Variants in CCDC57 observed in about 807,000 individuals in gnomAD.
CCDC57 encodes coiled-coil domain containing 57.
In CCDC57, 118 loss-of-function variants were observed where a neutral mutation model predicts 118.9. The ratio of observed to expected loss-of-function variants is 0.99; its 90% confidence interval spans 0.86 to 1.16. The LOEUF is 1.16. Ranked by LOEUF, CCDC57 falls within the 50% of genes most tolerant of loss-of-function variation. The pLI is 0.00. For synonymous variants in CCDC57, 527 were observed against 532.9 expected, an observed-to-expected ratio of 0.99 and a Z score of 0.15; for missense variants, 1,300 against 1,320.7, an observed-to-expected ratio of 0.98 and a Z score of 0.24.
intron 11 of CCDC57, among the ~76,000 whole-genome samples, chr17:82,174,784 T>C (rs1389456638): frequency 6.6e-6 from 1 of 152,250 alleles, no homozygotes; most frequent in Non-Finnish European, 1.5e-5. Context: ...TCTGTAACCA[T>C]TTGCTTCTTT....
chr17:82,173,176 A>G (rs1354593454), intron 11 of CCDC57, among the ~76,000 whole-genome samples: 3 of 152,166 alleles, frequency 2.0e-5, no homozygotes, highest in Non-Finnish European at 4.4e-5. Flanking sequence ...ACAGAGCTTC[A>G]GTATGGAAAG....
At chr17:82,175,837 T>G (rs1256279900) in intron 11 of CCDC57, among the ~76,000 whole-genome samples, 4 of 152,232 alleles carry the variant, frequency 2.6e-5, no homozygotes, top group African/African-American at 9.6e-5. Flanking sequence ...AGGGAGATTC[T>G]GAGTGGAGAT....
chr17:82,150,895 ACACCCAGAACCTGACCCG>A (rs1598943480), intron 16 of CCDC57, among the ~76,000 whole-genome samples: 2 of 77,584 alleles, frequency 2.6e-5, no homozygotes, highest in Admixed American at 1.8e-4. Context: ...AACCTGACCC[ACACCCAGAACCTGACCCG>A]CACCCAGAAC....
intron 13 of CCDC57, among the ~76,000 whole-genome samples, chr17:82,168,951 AC>A (rs765294289): frequency 6.6e-6 from 1 of 152,152 alleles, no homozygotes; most frequent in Non-Finnish European, 1.5e-5. Flanking sequence ...ACCACAAAAA[AC>A]CTTCAGCAAA....
chr17:82,200,407 C>T (rs773634667), intron 3 of CCDC57, among the ~76,000 whole-genome samples: 14 of 152,194 alleles, frequency 9.2e-5, no homozygotes, highest in Non-Finnish European at 1.8e-4. Context: ...TTTCACTTCG[C>T]CATTCCACCA....
intron 17 of CCDC57, among the ~76,000 whole-genome samples, chr17:82,128,925 T>G (rs941468960): frequency 3.3e-5 from 5 of 151,788 alleles, no homozygotes; most frequent in Non-Finnish European, 5.9e-5. Context: ...CTTTTTTGTT[T>G]TTTTTTTTTT....
At chr17:82,184,031 G>GCGCGCGCGCGCGCGCACACA in intron 8 of CCDC57, 99 bp from the exon 8 acceptor site, 4 of 131,858 alleles carry the variant, frequency 3.0e-5, no homozygotes, top group East Asian at 1.9e-4. Context: ...GCGCGCGCGC[G>GCGCGCGCGCGCGCGCACACA]CACACACACA....
At chr17:82,181,204 C>T (rs932456921) in intron 9 of CCDC57, among the ~76,000 whole-genome samples, 2 of 152,358 alleles carry the variant, frequency 1.3e-5, no homozygotes, top group Admixed American at 1.3e-4. Context: ...CATGCAAATA[C>T]ACAGGAGAAG....
At chr17:82,134,726 A>C (rs2038912294) in intron 16 of CCDC57, among the ~76,000 whole-genome samples, 1 of 152,136 alleles carries the variant, frequency 6.6e-6, no homozygotes, top group South Asian at 2.1e-4. Flanking sequence ...CCCGGGAGGC[A>C]GAGGTTGCAG....
At chr17:82,105,581 C>T (rs1008803696) in intron 19 of CCDC57, among the ~76,000 whole-genome samples, 22 of 152,262 alleles carry the variant, frequency 1.4e-4, no homozygotes, top group Admixed American at 9.8e-4. Context: ...TCAACCCTCA[C>T]CTGCTAAAGT....
intron 18 of CCDC57, 120 bp downstream of exon 17, chr17:82,128,373 G>A (rs796435308): frequency 2.2e-5 from 15 of 674,648 alleles, no homozygotes; most frequent in African/African-American, 1.5e-4. Context: ...CCCTGATGAC[G>A]GCACAAAGGC....
At chr17:82,101,731 T>A in exon 20 of CCDC57, 1 of 1,608,592 alleles carries the variant, frequency 6.2e-7, no homozygotes, top group Middle Eastern at 1.7e-4. Context: ...CTGGCAGCCT[T>A]TAGCTTTTGC....
At chr17:82,155,319 C>T (rs960799448) in intron 15 of CCDC57, 3 of 152,244 alleles carry the variant, frequency 2.0e-5, no homozygotes, top group African/African-American at 7.2e-5. Flanking sequence ...CTGGCACTCT[C>T]GCGTGGAAGA....
intron 8 of CCDC57, among the ~76,000 whole-genome samples, chr17:82,187,525 G>A (rs1336100255): frequency 1.1e-5 from 1 of 89,294 alleles, no homozygotes; most frequent in African/African-American, 4.8e-5. Context: ...AGGTGGCCGG[G>A]GCTGGTGGGG....
chr17:82,151,037 G>A (rs80218576), intron 16 of CCDC57, among the ~76,000 whole-genome samples: 426 of 34,800 alleles, frequency 0.012, 8 homozygotes, highest in Middle Eastern at 0.062. Context: ...AGAACCTGGC[G>A]CACACCCAGA....
intron 18 of CCDC57, 60 bp downstream of exon 17, chr17:82,128,433 C>T (rs551539851): frequency 8.0e-6 from 10 of 1,253,948 alleles, no homozygotes; most frequent in South Asian, 3.9e-5. Flanking sequence ...ACCCAGGCCC[C>T]GGCTTCCCTG....
At chr17:82,184,810 A>C (rs1047401317) in intron 8 of CCDC57, 4 of 152,254 alleles carry the variant, frequency 2.6e-5, no homozygotes, top group African/African-American at 9.6e-5. Context: ...CCCTGCCAAC[A>C]GTTTTGGACA....
At chr17:82,198,196 C>T (rs2048534412) in intron 4 of CCDC57, 118 bp downstream of exon 3, 4 of 621,862 alleles carry the variant, frequency 6.4e-6, no homozygotes, top group Admixed American at 3.1e-5. Context: ...ATTTTACTCC[C>T]AAGGAGAATG....
chr17:82,109,310 C>T (rs543592367), intron 19 of CCDC57, among the ~76,000 whole-genome samples: 5 of 152,342 alleles, frequency 3.3e-5, no homozygotes, highest in East Asian at 3.9e-4. Context: ...GCCTACGAGG[C>T]GGCTGCGAGG....
Sources: gnomAD v4.1 joint callset for allele counts (sites outside exome capture counted in the v4.1 genomes callset) on GRCh38, gnomAD v4.1.1 for gene constraint, MANE v1.5 for transcripts, NCBI Gene and HGNC (gene_info 2026-07-23, HGNC 2026-07-21) for gene names.